ARR3: variants seen among roughly 807,000 people sequenced by gnomAD.
ARR3 encodes the protein arrestin 3.
A neutral mutation model predicts 35.4 loss-of-function variants in ARR3; 14 were observed. The observed-to-expected ratio is 0.40, with a 90% CI of 0.26 to 0.62. ARR3 has a LOEUF of 0.62. ARR3 is among the 20% of genes least tolerant of loss of function. The probability of loss-of-function intolerance (pLI) is 0.46; values close to 1 mark genes in which losing one functional copy is unlikely to be tolerated. For missense variants in ARR3, 259 were observed against 303.8 expected (o/e 0.85, Z 1.10); for synonymous variants, 97 against 119.1 (o/e 0.81, Z 1.21).
chrX:70,278,215 G>A (rs1367658920), intron 11 of ARR3, 77 bp downstream of exon 11: 1 of 935,036 alleles, frequency 1.1e-6, no homozygotes, highest in Non-Finnish European at 1.5e-6. Flanking sequence ...CAGTTGAGGG[G>A]GTAGAGTGGG....
At chrX:70,274,307 T>C (rs760229553) in intron 5 of ARR3, among the ~76,000 whole-genome samples, 1 of 108,403 alleles carries the variant, frequency 9.2e-6, no homozygotes, top group Non-Finnish European at 1.9e-5. Flanking sequence ...GTTCAAGCGA[T>C]TCTCCTGCCT....
At chrX:70,277,566 C>T in intron 9 of ARR3, 37 bp downstream of exon 9, 2 of 1,199,857 alleles carry the variant, frequency 1.7e-6, no homozygotes, top group African/African-American at 1.7e-5. Context: ...CACCCCAGAA[C>T]CCCTCTGATG....
rs752332564 is a variant in ARR3 at position 70,272,837 on chromosome X, T to A, written c.145+2693T>A. ...CATTCTCAATTTTAAAAGCAAATAATCTGGTGTTTGATGTTTTGAGTTCTT... is the reference window on the plus strand; with the variant it reads ...CATTCTCAATTTTAAAAGCAAATAAACTGGTGTTTGATGTTTTGAGTTCTT... On this transcript the variant is annotated intron_variant, in intron 5 of 16. Transcript: ENST00000307959. 2.2e-3 allele frequency among the ~76,000 whole-genome samples: 250 copies of A among 112,603 alleles called. 1 individual carries two copies. The highest frequency in any genetic ancestry group is 7.8e-3 in the African/African-American group (243 of 31,018).
At chrX:70,276,612 A>C (rs770485058) in intron 7 of ARR3, 57 bp from the exon 8 acceptor site, 4 of 1,181,600 alleles carry the variant, frequency 3.4e-6, no homozygotes, top group Non-Finnish European at 4.6e-6. Context: ...TTATAGGCCC[A>C]TGAGGAAGGG....
At chrX:70,272,913 T>C (rs113868725) in intron 5 of ARR3, among the ~76,000 whole-genome samples, 1 of 112,376 alleles carries the variant, frequency 8.9e-6, no homozygotes, top group Non-Finnish European at 1.9e-5. Flanking sequence ...GTTGGTAGTT[T>C]TTATTTTTTC....
Position 70,281,007 on chromosome X carries a change from G to GA in ARR3, c.1067-92_1067-91insA, listed in dbSNP as rs199822672. 1.7e-4 allele frequency: 162 copies of GA among 962,292 alleles called. 1 individual carries two copies. The African/African-American group carries it at 2.5e-3, about 15-fold the overall frequency. 79.3% of individuals were successfully genotyped at this position (962,292 alleles called of 1,213,427 possible). The stretch of plus-strand genomic sequence containing the variant: ...GGAGCAAAGGATTGGGAAGTTGGGG[G>GA]GGGGGGAAGTAAAGATACTTCTTCA... On this transcript the variant is annotated intron_variant, in intron 15 of 16. Coordinates refer to ENST00000307959, the MANE Select transcript of ARR3 (RefSeq NM_004312.3).
Position 70,277,676 on chromosome X carries a change from C to G in ARR3, c.610-40C>G, listed in dbSNP as rs564380247. On this transcript the variant is annotated intron_variant, in intron 9 of 16. Transcript: ENST00000307959. ...GGTTCTAGGTCTCCATCTGCGTATT[C>G]GTCCTCCAGCCTTGACATGGGTCCC... is the stretch of plus-strand genomic sequence containing the variant. 18 of 1,185,068 alleles carry G rather than the reference C, an allele frequency of 1.5e-5. No individual in the cohort carries two copies. In the South Asian group the frequency reaches 2.9e-4, roughly 19 times the overall value.
chrX:70,278,403 C>T lies in ARR3; in HGVS notation c.768-101C>T, dbSNP rs987112843. 6.0e-6 allele frequency: 6 copies of T among 997,788 alleles called. No individual in the cohort carries two copies. In the Admixed American group the frequency reaches 9.0e-5, roughly 15 times the overall value. 82.2% of individuals were successfully genotyped at this position (997,788 alleles called of 1,213,427 possible). On this transcript the variant is annotated intron_variant, in intron 11 of 16. Transcript: ENST00000307959. Reference sequence around the variant, plus strand: ...AACATGTTACCTCTCTTGGATACTCCAGTAGGTTCTTGTATAATCTTGTAC... The same window carrying T: ...AACATGTTACCTCTCTTGGATACTCTAGTAGGTTCTTGTATAATCTTGTAC...
At chrX:70,268,693 T>G (rs894807171) in intron 1 of ARR3, among the ~76,000 whole-genome samples, 1 of 111,383 alleles carries the variant, frequency 9.0e-6, no homozygotes, top group African/African-American at 3.3e-5. Context: ...GAGGGATGAG[T>G]TGGTTCAAGG....
chrX:70,276,415 C>T lies in ARR3; in HGVS notation c.346-18C>T. On this transcript the variant is annotated intron_variant, in intron 6 of 16. Coordinates refer to ENST00000307959, the MANE Select transcript of ARR3 (RefSeq NM_004312.3). ...TATTCTTTTCTACTTCTTTTCTGAT[C>T]TCCTTTTTGTCCCCTAGATGGTGAC... 8.3e-7 allele frequency: 1 copy of T among 1,208,166 alleles called. No homozygotes were observed. Among genetic ancestry groups the T allele is most frequent in the Non-Finnish European group, 1.1e-6 (1 of 892,230 alleles).
At chrX:70,276,946 G>T (rs2085655953) in intron 8 of ARR3, among the ~76,000 whole-genome samples, 1 of 111,955 alleles carries the variant, frequency 8.9e-6, no homozygotes, top group South Asian at 3.7e-4. Flanking sequence ...AGAAATATTT[G>T]GCTTTTTGAG....
At chrX:70,276,873 T>A in intron 8 of ARR3, 137 bp downstream of exon 8, 1 of 555,100 alleles carries the variant, frequency 1.8e-6, no homozygotes, top group Non-Finnish European at 2.9e-6. Context: ...CTGAGTCCCC[T>A]CTGACTTACC....
intron 5 of ARR3, 87 bp from the exon 6 acceptor site, chrX:70,275,995 A>G (rs913961437): frequency 9.6e-7 from 1 of 1,039,696 alleles, no homozygotes; most frequent in African/African-American, 1.8e-5. Flanking sequence ...ATCATATTAC[A>G]TCACCTCTCT....
At chrX:70,277,265 A>G in intron 8 of ARR3, 129 bp from the exon 9 acceptor site, 1 of 888,827 alleles carries the variant, frequency 1.1e-6, no homozygotes, top group East Asian at 3.3e-5. Flanking sequence ...AAGGGACTAG[A>G]GGAGTTCTCT....
intron 5 of ARR3, among the ~76,000 whole-genome samples, chrX:70,274,103 T>C (rs149108949): frequency 2.4e-3 from 266 of 110,734 alleles, no homozygotes; most frequent in Middle Eastern, 9.5e-3. Flanking sequence ...TATGTGTCTA[T>C]GATCAACTTT....
At chrX:70,278,361 C>T in intron 11 of ARR3, 143 bp from the exon 12 acceptor site, 1 of 818,252 alleles carries the variant, frequency 1.2e-6, no homozygotes, top group South Asian at 2.7e-5. Flanking sequence ...GAACTAATTT[C>T]TCCCAGTCTT....
chrX:70,278,907 G>T (rs1162978995), intron 12 of ARR3, among the ~76,000 whole-genome samples: 1 of 112,824 alleles, frequency 8.9e-6, no homozygotes, highest in Non-Finnish European at 1.9e-5. Flanking sequence ...AGATTTCACA[G>T]TTCACAAAGG....
chrX:70,275,204 C>T (rs1360478885), intron 5 of ARR3, among the ~76,000 whole-genome samples: 1 of 112,527 alleles, frequency 8.9e-6, no homozygotes, highest in East Asian at 2.8e-4. Context: ...CATTAATACT[C>T]CCACCAGCAG....
rs1258101146 is a variant in ARR3 at position 70,277,546 on chromosome X, T to C, written c.609+17T>C. The C allele has an allele frequency of 1.7e-6, 2 of 1,205,476 alleles. No individual in the cohort carries two copies. The highest frequency in any genetic ancestry group is 3.0e-5 in the East Asian group (1 of 33,751). ...GACAGGGAGGTTTGTGACCCCCACTTTTTGCCTCCCACCCCAGAACCCCTC... is the reference window on the plus strand; with the variant it reads ...GACAGGGAGGTTTGTGACCCCCACTCTTTGCCTCCCACCCCAGAACCCCTC... On this transcript the variant is annotated intron_variant, in intron 9 of 16. Coordinates refer to ENST00000307959, the MANE Select transcript of ARR3 (RefSeq NM_004312.3).
Sources: allele counts gnomAD v4.1 joint callset (sites outside exome capture counted in the v4.1 genomes callset), GRCh38; gene constraint gnomAD v4.1.1; transcripts MANE v1.5; gene names NCBI Gene and HGNC (gene_info 2026-07-23, HGNC 2026-07-21).